The following NRG1 variants were observed in gnomAD, a reference collection of about 807,000 sequenced individuals.
The protein encoded by NRG1 is neuregulin 1.
Under a neutral mutation model 63.8 loss-of-function variants are expected in NRG1, and 18 were observed. The observed-to-expected ratio is 0.28, with a 90% CI of 0.19 to 0.42. NRG1 has a LOEUF of 0.42. Among genes scored for constraint, NRG1 ranks in the 10% least tolerant of loss-of-function variants. NRG1 has a pLI of 1.00. For synonymous variants in NRG1, 302 were observed against 301.3 expected (o/e 1.00, Z -0.02); for missense variants, 762 against 814.7 (o/e 0.94, Z 0.79).
At position 32,653,424 on chromosome 8, in the gene NRG1, A is replaced by G. The variant is rs144693818; in HGVS notation, c.502+36539A>G. Among the ~76,000 whole-genome samples the G allele has an allele frequency of 4.1e-4, 62 of 151,402 alleles. No individual in the cohort carries two copies. In the East Asian group the frequency reaches 0.011, roughly 26 times the overall value. On this transcript the variant is annotated intron_variant, in intron 5 of 11. Coordinates refer to ENST00000356819, the Ensembl canonical transcript of NRG1. ...CTTTTCTTAATATGTTTTCTTCTCC[A>G]TCTACCAAATACTGAACACTTGCCC...
chr8:32,361,394 C>G (rs562036519), intron 1 of NRG1, among the ~76,000 whole-genome samples: 22 of 152,244 alleles, frequency 1.4e-4, no homozygotes, highest in African/African-American at 4.8e-4. Flanking sequence ...CTGAACCAAA[C>G]AGAAGCCCTG....
intron 3 of NRG1, among the ~76,000 whole-genome samples, chr8:32,606,069 GCA>G (rs1160219501): frequency 4.0e-5 from 6 of 149,926 alleles, no homozygotes; most frequent in African/African-American, 1.5e-4. Flanking sequence ...ATGTATATAT[GCA>G]CACAGAATAT....
chr8:32,553,577 T>C (rs1381333511), intron 1 of NRG1, among the ~76,000 whole-genome samples: 1 of 152,116 alleles, frequency 6.6e-6, no homozygotes, highest in African/African-American at 2.4e-5. Context: ...GGCAGAAAAA[T>C]GTTGAGGTTT....
chr8:32,596,438 T>C (rs1246025011), intron 2 of NRG1, among the ~76,000 whole-genome samples: 1 of 151,860 alleles, frequency 6.6e-6, no homozygotes, highest in African/African-American at 2.4e-5. Flanking sequence ...ACCCTGTCTC[T>C]ACTAAAAACA....
chr8:32,326,144 C>T (rs565846891), intron 1 of NRG1, among the ~76,000 whole-genome samples: 5 of 151,344 alleles, frequency 3.3e-5, no homozygotes, highest in Non-Finnish European at 7.4e-5. Context: ...TGAGTAGCTG[C>T]GATTACAGGC....
chr8:32,018,366 C>T (rs887435816), intron 1 of NRG1, among the ~76,000 whole-genome samples: 7 of 152,096 alleles, frequency 4.6e-5, no homozygotes, highest in African/African-American at 1.4e-4. Context: ...TTTAGGATTC[C>T]TTTTCTTAAC....
chr8:31,836,418 T>C (rs1010539387), intron 1 of NRG1, among the ~76,000 whole-genome samples: 2 of 152,130 alleles, frequency 1.3e-5, no homozygotes. Context: ...TTCCCATCTA[T>C]GTTATTTAGC....
chr8:31,963,162 C>T (rs542917829), intron 1 of NRG1, among the ~76,000 whole-genome samples: 10 of 152,256 alleles, frequency 6.6e-5, no homozygotes, highest in East Asian at 1.9e-4. Flanking sequence ...TGACCAACAG[C>T]GACACAGATC....
chr8:31,871,563 T>G (rs1829488276), intron 1 of NRG1, among the ~76,000 whole-genome samples: 1 of 151,986 alleles, frequency 6.6e-6, no homozygotes, highest in African/African-American at 2.4e-5. Flanking sequence ...GTGTCCAGAG[T>G]CTGCCCATAG....
chr8:32,051,204 C>G (rs1021266555), intron 1 of NRG1, among the ~76,000 whole-genome samples: 1 of 151,902 alleles, frequency 6.6e-6, no homozygotes, highest in Admixed American at 6.6e-5. Flanking sequence ...TAAAGGAATG[C>G]CTCATTCGTT....
In NRG1 at chr8:32,657,994, A is replaced by T. The variant is rs538411342; in HGVS notation, c.502+41109A>T. Among the ~76,000 whole-genome samples the T allele has an allele frequency of 4.0e-3, 610 of 152,354 alleles. 4 individuals carry two copies. Among genetic ancestry groups the T allele is most frequent in the Admixed American group, 8.0e-3 (123 of 15,298 alleles). ...GTTGACATCAAAAACAAACAAAAAT[A>T]TGTAAAATAATTACTTCAGTTTTTT... On this transcript the variant is annotated intron_variant, in intron 5 of 11. Transcript: ENST00000356819.
intron 1 of NRG1, among the ~76,000 whole-genome samples, chr8:32,309,297 G>T (rs546914064): frequency 6.6e-6 from 1 of 152,224 alleles, no homozygotes; most frequent in South Asian, 2.1e-4. Context: ...TAACGCTTAT[G>T]TGCCTGTGGT....
intron 1 of NRG1, among the ~76,000 whole-genome samples, chr8:32,563,355 A>T (rs1306402228): frequency 2.0e-5 from 3 of 152,234 alleles, no homozygotes; most frequent in African/African-American, 7.2e-5. Context: ...TATCTTCTAT[A>T]GAATAACTTT....
At chr8:31,948,382 T>A (rs1802952912) in intron 1 of NRG1, among the ~76,000 whole-genome samples, 1 of 152,178 alleles carries the variant, frequency 6.6e-6, no homozygotes, top group Non-Finnish European at 1.5e-5. Flanking sequence ...CTGAAATCTA[T>A]GCAGATAATC....
intron 1 of NRG1, among the ~76,000 whole-genome samples, chr8:32,380,080 T>A (rs777674548): frequency 6.6e-6 from 1 of 152,188 alleles, no homozygotes; most frequent in South Asian, 2.1e-4. Context: ...CTCACCCAAA[T>A]TTATTTATTA....
intron 5 of NRG1, among the ~76,000 whole-genome samples, chr8:32,716,798 G>T (rs891795481): frequency 1.5e-5 from 2 of 132,398 alleles, no homozygotes; most frequent in Admixed American, 1.6e-4. Flanking sequence ...GCGTGCGTGT[G>T]TGCATGTGTG....
chr8:32,583,367 C>G (rs1046792523), intron 1 of NRG1, among the ~76,000 whole-genome samples: 2 of 152,114 alleles, frequency 1.3e-5, no homozygotes, highest in Non-Finnish European at 2.9e-5. Flanking sequence ...GCAGACCAAA[C>G]AAGTACTTTA....
intron 1 of NRG1, among the ~76,000 whole-genome samples, chr8:31,896,568 A>G (rs1224537851): frequency 6.6e-6 from 1 of 152,166 alleles, no homozygotes; most frequent in African/African-American, 2.4e-5. Flanking sequence ...CTGGAGCGTT[A>G]GTGTTCATTA....
intron 1 of NRG1, among the ~76,000 whole-genome samples, chr8:31,747,441 T>C (rs1039225347): frequency 6.6e-6 from 1 of 151,944 alleles, no homozygotes; most frequent in Admixed American, 6.6e-5. Flanking sequence ...GAGTGACAAA[T>C]TCGGAAATGG....
Sources: allele counts gnomAD v4.1 joint callset (sites outside exome capture counted in the v4.1 genomes callset), GRCh38; gene constraint gnomAD v4.1.1; transcripts MANE v1.5; gene names NCBI Gene and HGNC (gene_info 2026-07-23, HGNC 2026-07-21).